ZHX3: variants seen among roughly 807,000 people sequenced by gnomAD.
ZHX3 encodes zinc fingers and homeoboxes protein 3.
In ZHX3, 20 loss-of-function variants were observed where a neutral mutation model predicts 64.5. The observed-to-expected ratio is 0.31, with a 90% CI of 0.22 to 0.45. The LOEUF is 0.45. Among genes scored for constraint, ZHX3 ranks in the 20% least tolerant of loss-of-function variants. The probability of loss-of-function intolerance (pLI) is 1.00; values close to 1 mark genes in which losing one functional copy is unlikely to be tolerated. For missense variants in ZHX3, 1,041 were observed against 1,195.8 expected, an observed-to-expected ratio of 0.87 and a Z score of 1.91; for synonymous variants, 423 against 461.6, an observed-to-expected ratio of 0.92 and a Z score of 1.07.
At chr20:41,312,265 A>G (rs566760845) in intron 1 of ZHX3, among the ~76,000 whole-genome samples, 23 of 152,172 alleles carry the variant, frequency 1.5e-4, no homozygotes, top group Admixed American at 5.2e-4. Context: ...AAATGGACCA[A>G]TCAGCACCCT....
Position 41,226,137 on chromosome 20 carries a change from C to T in ZHX3, c.-150-21071G>A, listed in dbSNP as rs1423209878. Among the ~76,000 whole-genome samples, 1 of 152,124 alleles carries T rather than the reference C, an allele frequency of 6.6e-6. No homozygotes were observed. The highest frequency in any genetic ancestry group is 1.5e-5 in the Non-Finnish European group (1 of 68,034). On this transcript the variant is annotated intron_variant, in intron 2 of 3. Transcript: ENST00000683867. The surrounding 1 kb of genome is among the most constrained non-coding windows in gnomAD (Gnocchi z 4.4). Reference sequence around the variant, plus strand: ...CTTGGGCTGGGCGCGGTGGCTCACACCTGTAATCCCAGCACTTTGGGAGGC... The same window carrying T: ...CTTGGGCTGGGCGCGGTGGCTCACATCTGTAATCCCAGCACTTTGGGAGGC...
chr20:41,261,179 G>GA (rs907106106), intron 2 of ZHX3, among the ~76,000 whole-genome samples: 60 of 151,626 alleles, frequency 4.0e-4, no homozygotes, highest in African/African-American at 1.4e-3. Context: ...AAGGAAGAGA[G>GA]AAAAAAAACT....
In ZHX3 at chr20:41,180,741, A is replaced by G. The variant is rs1237208020; in HGVS notation, c.*4450T>C. 17 of 152,248 alleles carry G rather than the reference A, an allele frequency of 1.1e-4. No individual in the cohort carries two copies. Among genetic ancestry groups the G allele is most frequent in the Admixed American group, 1.1e-3 (17 of 15,288 alleles). The allele number at this position is 152,248 out of a possible 1,614,324, so 9.4% of individuals were successfully genotyped here. The stretch of plus-strand genomic sequence containing the variant: ...CTGGCACTGGGAACACACAGATTGC[A>G]GCAGAAACCTGTTGGTTCCATTTGC... On this transcript the variant is annotated 3_prime_UTR_variant, in exon 4 of 4. Coordinates refer to ENST00000683867, the MANE Select transcript of ZHX3 (RefSeq NM_001384317.1).
chr20:41,256,889 T>C (rs6129784), intron 2 of ZHX3, among the ~76,000 whole-genome samples: 32,250 of 151,782 alleles, frequency 0.21, 3,600 homozygotes, highest in South Asian at 0.29. Flanking sequence ...ATCATCTAAA[T>C]AGTGTACATT....
At position 41,202,579 on chromosome 20, in the gene ZHX3, G is replaced by A. The variant is rs2038325325; in HGVS notation, c.2338C>T (p.Arg780Trp). Residue 780 changes from arginine (R) to tryptophan (W), a missense_variant, in exon 3 of 4, where the codon CGG (arginine) becomes TGG (tryptophan). By Grantham distance (101) the Arg-to-Trp change is moderately radical. Transcript: ENST00000683867. This position sits in a 1 kb window ranked among gnomAD's most constrained non-coding sequence, Gnocchi z 7.0. ...KKTAQQRHLL[R>W]QLFVQTQWPS... ...CACTGTGTCTGGACAAAGAGCTGCC[G>A]CAGCAAGTGCCGCTGCTGGGCAGTC... 1.9e-6 allele frequency: 3 copies of A among 1,613,824 alleles called. No homozygotes were observed. Among genetic ancestry groups the A allele is most frequent in the Non-Finnish European group, 2.5e-6 (3 of 1,180,034 alleles).
intron 1 of ZHX3, among the ~76,000 whole-genome samples, chr20:41,311,944 T>A (rs1004673454): frequency 6.6e-6 from 1 of 152,252 alleles, no homozygotes; most frequent in African/African-American, 2.4e-5. Context: ...GTGCTAGGAC[T>A]GTACCATATA....
At position 41,203,732 on chromosome 20, in the gene ZHX3, G is replaced by A. The variant is rs1190498684; in HGVS notation, c.1185C>T (p.Leu395=). ...GCTGGACATTGCCAGCACTGGCGAC[G>A]AGTGGGGTATTTAGAACCGTAATTG... ...QPTITVLNTP[L]VASAGNVQHL... The change falls in exon 3 of 4, where the codon CTC becomes CTT. Residue 395 remains leucine, a synonymous_variant. Coordinates refer to ENST00000683867, the MANE Select transcript of ZHX3 (RefSeq NM_001384317.1). The surrounding 1 kb of genome is among the most constrained non-coding windows in gnomAD (Gnocchi z 7.1). 15 of 1,614,228 alleles carry A rather than the reference G, an allele frequency of 9.3e-6. No homozygotes were observed. The highest frequency in any genetic ancestry group is 1.3e-5 in the African/African-American group (1 of 75,058).
intron 2 of ZHX3, among the ~76,000 whole-genome samples, chr20:41,233,830 T>C (rs910566538): frequency 4.6e-5 from 7 of 152,188 alleles, no homozygotes; most frequent in Non-Finnish European, 8.8e-5. Flanking sequence ...GACAGGAATA[T>C]GTATCATCCT....
intron 1 of ZHX3, among the ~76,000 whole-genome samples, chr20:41,280,322 C>A (rs949290648): frequency 3.3e-5 from 5 of 152,108 alleles, no homozygotes; most frequent in African/African-American, 9.7e-5. Context: ...TGGGCCCCAC[C>A]GCAATGCAAC....
At chr20:41,314,090 G>T (rs2045222905) in intron 1 of ZHX3, among the ~76,000 whole-genome samples, 1 of 152,162 alleles carries the variant, frequency 6.6e-6, no homozygotes, top group Non-Finnish European at 1.5e-5. Context: ...AAAATGAAAA[G>T]TAGTCTACCT....
At chr20:41,316,281 C>A (rs935218400) in intron 1 of ZHX3, among the ~76,000 whole-genome samples, 3 of 152,142 alleles carry the variant, frequency 2.0e-5, no homozygotes, top group African/African-American at 7.2e-5. Flanking sequence ...GTCTTTGATA[C>A]TATTTTGCGC....
At chr20:41,251,803 A>T (rs2042006142) in intron 2 of ZHX3, among the ~76,000 whole-genome samples, 1 of 152,162 alleles carries the variant, frequency 6.6e-6, no homozygotes, top group South Asian at 2.1e-4. Flanking sequence ...CATGATAAAT[A>T]AATACATAAA....
intron 3 of ZHX3, among the ~76,000 whole-genome samples, chr20:41,190,299 T>G (rs11906620): frequency 5.9e-5 from 9 of 152,252 alleles, no homozygotes; most frequent in African/African-American, 2.2e-4. Context: ...CTCAGCCTCC[T>G]GAGTAGCTAG....
At chr20:41,287,639 A>G (rs1306569579) in intron 1 of ZHX3, among the ~76,000 whole-genome samples, 1 of 152,228 alleles carries the variant, frequency 6.6e-6, no homozygotes, top group Non-Finnish European at 1.5e-5. Flanking sequence ...AGGCATCCCT[A>G]TAGATGGGTA....
chr20:41,238,900 T>C (rs912523264), intron 2 of ZHX3: 10 of 151,896 alleles, frequency 6.6e-5, no homozygotes, highest in Middle Eastern at 3.2e-3. Flanking sequence ...ATAAAGGTGG[T>C]TTGCTGGCAC....
chr20:41,230,955 T>C (rs932684074), intron 2 of ZHX3, among the ~76,000 whole-genome samples: 10 of 152,202 alleles, frequency 6.6e-5, no homozygotes, highest in Admixed American at 5.9e-4. Flanking sequence ...ATGATATGTA[T>C]CTACAATATT....
intron 2 of ZHX3, among the ~76,000 whole-genome samples, chr20:41,264,969 A>G (rs1479459804): frequency 1.3e-5 from 2 of 152,208 alleles, no homozygotes; most frequent in Admixed American, 1.3e-4. Flanking sequence ...CCAAATGTCA[A>G]TTATACTTCA....
rs968401333 is a variant in ZHX3, at chr20:41,204,103, G to A, written c.814C>T (p.Leu272Phe). 3.7e-6 allele frequency: 6 copies of A among 1,606,788 alleles called. No individual in the cohort carries two copies. Among genetic ancestry groups the A allele is most frequent in the Admixed American group, 1.7e-5 (1 of 59,630 alleles). ...PVLPAGIAQF[L>F]SLQQQPPVHA... ...ACTGGGGGCTGCTGCTGGAGGGAGA[G>A]GAACTGTGCTATGCCAGCTGGCAAA... The change falls in exon 3 of 4, where the codon CTC (leucine) becomes TTC (phenylalanine). Residue 272 changes from leucine to phenylalanine, a missense_variant. Physicochemically the swap from Leu to Phe is conservative, Grantham distance 22. Coordinates refer to ENST00000683867, the MANE Select transcript of ZHX3 (RefSeq NM_001384317.1). This position sits in a 1 kb window ranked among gnomAD's most constrained non-coding sequence, Gnocchi z 6.6.
At chr20:41,282,925 T>G (rs2043762759) in intron 1 of ZHX3, among the ~76,000 whole-genome samples, 2 of 152,166 alleles carry the variant, frequency 1.3e-5, no homozygotes, top group Admixed American at 1.3e-4. Flanking sequence ...ATTCATTTTT[T>G]GGAGACAGGG....
Sources: allele counts gnomAD v4.1 joint callset (sites outside exome capture counted in the v4.1 genomes callset), GRCh38; gene constraint gnomAD v4.1.1; non-coding constraint Gnocchi (gnomAD v3.1); transcripts MANE v1.5; gene names NCBI Gene and HGNC (gene_info 2026-07-23, HGNC 2026-07-21).